The following HS3ST4 variants were observed in gnomAD, a reference collection of about 807,000 sequenced individuals.
HS3ST4 encodes heparan sulfate-glucosamine 3-sulfotransferase 4, also known as heparan sulfate glucosamine 3-O-sulfotransferase 4.
Under a neutral mutation model 29.2 loss-of-function variants are expected in HS3ST4, and 17 were observed. That is an observed-to-expected ratio of 0.58 (90% CI 0.40 to 0.87). HS3ST4 has a LOEUF of 0.87. HS3ST4 is among the 40% of genes least tolerant of loss of function. HS3ST4 has a pLI of 0.00. For synonymous variants in HS3ST4, 314 were observed against 285.7 expected (o/e 1.10, Z -1.00); for missense variants, 627 against 634.5 (o/e 0.99, Z 0.13).
chr16:26,041,385 A>G (rs1210535320), intron 1 of HS3ST4, among the ~76,000 whole-genome samples: 1 of 152,078 alleles, frequency 6.6e-6, no homozygotes, highest in African/African-American at 2.4e-5. Flanking sequence ...TTTTCAAAAT[A>G]GAATTACATA....
At chr16:25,732,991 T>C (rs1966581635) in intron 1 of HS3ST4, among the ~76,000 whole-genome samples, 2 of 152,092 alleles carry the variant, frequency 1.3e-5, no homozygotes, top group South Asian at 4.1e-4. Context: ...AACAACACAC[T>C]CAGGATCTCT....
At chr16:26,011,868 C>A (rs565838945) in intron 1 of HS3ST4, among the ~76,000 whole-genome samples, 1 of 152,212 alleles carries the variant, frequency 6.6e-6, no homozygotes, top group South Asian at 2.1e-4. Flanking sequence ...ATCTATGTCA[C>A]AGAAATGAGG....
chr16:25,726,468 A>T (rs1966535664), intron 1 of HS3ST4, among the ~76,000 whole-genome samples: 2 of 152,158 alleles, frequency 1.3e-5, no homozygotes, highest in Admixed American at 1.3e-4. Flanking sequence ...ACACACACAT[A>T]CACACACAGA....
chr16:25,954,728 G>T (rs1219552053), intron 1 of HS3ST4, among the ~76,000 whole-genome samples: 1 of 152,178 alleles, frequency 6.6e-6, no homozygotes, highest in Non-Finnish European at 1.5e-5. Flanking sequence ...CTCAAGGGAA[G>T]TGCTCTTTGG....
At chr16:26,052,152 C>T (rs1489828599) in intron 1 of HS3ST4, among the ~76,000 whole-genome samples, 1 of 152,132 alleles carries the variant, frequency 6.6e-6, no homozygotes, top group African/African-American at 2.4e-5. Context: ...GGAAGGAACA[C>T]TGCTCAGAGA....
At chr16:25,825,199 C>G (rs1041889632) in intron 1 of HS3ST4, among the ~76,000 whole-genome samples, 1 of 152,202 alleles carries the variant, frequency 6.6e-6, no homozygotes, top group African/African-American at 2.4e-5. Flanking sequence ...TTTCAGCAAC[C>G]ACCGGAAGTT....
intron 1 of HS3ST4, among the ~76,000 whole-genome samples, chr16:25,811,860 G>T (rs1236981549): frequency 6.6e-6 from 1 of 152,164 alleles, no homozygotes; most frequent in Non-Finnish European, 1.5e-5. Flanking sequence ...AGTATTAGTA[G>T]TTAAGTTTTT....
intron 1 of HS3ST4, among the ~76,000 whole-genome samples, chr16:26,009,930 C>G (rs1244856282): frequency 6.6e-6 from 1 of 152,184 alleles, no homozygotes; most frequent in Non-Finnish European, 1.5e-5. Flanking sequence ...CTCTGCAAAG[C>G]CAGCTTTTCA....
intron 1 of HS3ST4, among the ~76,000 whole-genome samples, chr16:26,023,114 T>G (rs1969431470): frequency 6.6e-6 from 1 of 152,196 alleles, no homozygotes; most frequent in Non-Finnish European, 1.5e-5. Context: ...TTCTTTTTTT[T>G]CCTTACCTCA....
chr16:26,064,869 G>A (rs560547821), intron 1 of HS3ST4, among the ~76,000 whole-genome samples: 18 of 152,124 alleles, frequency 1.2e-4, no homozygotes, highest in East Asian at 1.2e-3. Context: ...CACCTGCTGC[G>A]GCCTCCCAAA....
intron 1 of HS3ST4, among the ~76,000 whole-genome samples, chr16:26,078,246 A>G (rs1898688159): frequency 6.6e-6 from 1 of 152,070 alleles, no homozygotes; most frequent in Non-Finnish European, 1.5e-5. Flanking sequence ...GTTCATGCCT[A>G]TTCTTCTGCC....
intron 1 of HS3ST4, among the ~76,000 whole-genome samples, chr16:25,694,362 C>G (rs1213297336): frequency 6.6e-6 from 1 of 152,200 alleles, no homozygotes; most frequent in Admixed American, 6.5e-5. Context: ...TTGATTTCTT[C>G]CACTTTTAAA....
intron 1 of HS3ST4, among the ~76,000 whole-genome samples, chr16:25,957,239 C>T (rs1968744668): frequency 6.6e-6 from 1 of 152,158 alleles, no homozygotes; most frequent in South Asian, 2.1e-4. Flanking sequence ...CCCCATGTTT[C>T]AGCCACATAG....
intron 1 of HS3ST4, among the ~76,000 whole-genome samples, chr16:25,860,034 G>A (rs539188154): frequency 6.6e-6 from 1 of 152,338 alleles, no homozygotes; most frequent in South Asian, 2.1e-4. Flanking sequence ...GAGGGATCTA[G>A]GTTGTGAGCT....
intron 1 of HS3ST4, among the ~76,000 whole-genome samples, chr16:26,076,953 G>T (rs1181558159): frequency 6.6e-6 from 1 of 152,206 alleles, no homozygotes; most frequent in Non-Finnish European, 1.5e-5. Context: ...TTATCTTGGT[G>T]TTGCAGCTAG....
rs188609390 is a variant in HS3ST4, at chr16:25,733,711, C to G, written c.734+40560C>G. Among the ~76,000 whole-genome samples the G allele has an allele frequency of 2.6e-3, 400 of 152,248 alleles. 6 individuals are homozygous for G. The highest frequency in any genetic ancestry group is 1.4e-3 in the Admixed American group (21 of 15,288). On this transcript the variant is annotated intron_variant, in intron 1 of 1. Coordinates refer to ENST00000331351, the MANE Select transcript of HS3ST4 (RefSeq NM_006040.3). ...GGGGCGGGGGGAAACGCATCACTTGCTATCTCTGGATCTCAACTTTCCTGT... is the reference window on the plus strand; with the variant it reads ...GGGGCGGGGGGAAACGCATCACTTGGTATCTCTGGATCTCAACTTTCCTGT...
intron 1 of HS3ST4, among the ~76,000 whole-genome samples, chr16:26,008,671 T>C (rs1969281586): frequency 1.3e-5 from 2 of 151,900 alleles, no homozygotes; most frequent in African/African-American, 4.8e-5. Flanking sequence ...ATATAAAAAA[T>C]AGCCAGGTGT....
At chr16:25,854,949 G>T (rs1328585525) in intron 1 of HS3ST4, among the ~76,000 whole-genome samples, 1 of 152,146 alleles carries the variant, frequency 6.6e-6, no homozygotes, top group Non-Finnish European at 1.5e-5. Flanking sequence ...CAGAAAATGT[G>T]TCCGAGGTGG....
At chr16:26,008,958 G>A (rs577793681) in intron 1 of HS3ST4, among the ~76,000 whole-genome samples, 31 of 152,306 alleles carry the variant, frequency 2.0e-4, no homozygotes, top group African/African-American at 7.5e-4. Context: ...TAGCATGCTG[G>A]TGCTTCCATC....
Sources: gnomAD v4.1 joint callset for allele counts (sites outside exome capture counted in the v4.1 genomes callset) on GRCh38, gnomAD v4.1.1 for gene constraint, MANE v1.5 for transcripts, NCBI Gene and HGNC (gene_info 2026-07-23, HGNC 2026-07-21) for gene names.